AHCTF1: variants seen among roughly 807,000 people sequenced by gnomAD.
AHCTF1 encodes AT-hook containing transcription factor 1.
A neutral mutation model predicts 248.4 loss-of-function variants in AHCTF1; 24 were observed. The observed-to-expected ratio is 0.10, with a 90% CI of 0.07 to 0.14. The LOEUF (loss-of-function observed/expected upper bound fraction) is 0.14, where lower values mean the gene tolerates loss of function less well. Among genes scored for constraint, AHCTF1 ranks in the 10% least tolerant of loss-of-function variants. The probability of loss-of-function intolerance (pLI) is 1.00; values close to 1 mark genes in which losing one functional copy is unlikely to be tolerated. For missense variants in AHCTF1, 2,206 were observed against 2,636.2 expected (o/e 0.84, Z 3.57); for synonymous variants, 786 against 929.8 (o/e 0.85, Z 2.81).
intron 24 of AHCTF1, among the ~76,000 whole-genome samples, chr1:246,869,603 G>A (rs7554747): frequency 0.17 from 25,723 of 151,920 alleles, 2,351 homozygotes; most frequent in East Asian, 0.31. Context: ...AAAAATGATG[G>A]GAAATCTACT....
Position 246,840,014 on chromosome 1 carries a change from A to G in AHCTF1, c.*792T>C, listed in dbSNP as rs374271779. The G allele has an allele frequency of 2.0e-5, 3 of 152,516 alleles. No homozygotes were observed. Among genetic ancestry groups the G allele is most frequent in the African/African-American group, 7.2e-5 (3 of 41,470 alleles). 9.4% of individuals were successfully genotyped at this position (152,516 alleles called of 1,614,324 possible). A position where few individuals can be genotyped will look rare whatever the true frequency, so the allele number is the denominator to read the frequency against. On this transcript the variant is annotated 3_prime_UTR_variant, in exon 36 of 36. Coordinates refer to ENST00000648844, the MANE Select transcript of AHCTF1 (RefSeq NM_001323342.2). Reference sequence around the variant, plus strand: ...CAATATTATAAAAATTTGTTCAGACATCTCATCCTATCAATATTAGGCACA... The same window carrying G: ...CAATATTATAAAAATTTGTTCAGACGTCTCATCCTATCAATATTAGGCACA...
intron 14 of AHCTF1, among the ~76,000 whole-genome samples, chr1:246,892,301 CTTTTTTTTTT>C (rs74163502): frequency 2.3e-3 from 152 of 64,972 alleles, no homozygotes; most frequent in Middle Eastern, 0.022. Context: ...ATTTGTTTTA[CTTTTTTTTTT>C]TTTTTTTTTT....
intron 8 of AHCTF1, 57 bp downstream of exon 8, chr1:246,902,468 C>G (rs1475185610): frequency 3.9e-5 from 60 of 1,547,386 alleles, no homozygotes; most frequent in Non-Finnish European, 5.1e-5. Context: ...AAAATAACAC[C>G]TGTCATAAAT....
intron 16 of AHCTF1, 65 bp downstream of exon 16, chr1:246,890,891 A>T: frequency 1.8e-6 from 2 of 1,096,900 alleles, no homozygotes; most frequent in Non-Finnish European, 2.5e-6. Flanking sequence ...ATTAGAATAC[A>T]ATAACAAAAT....
At chr1:246,844,234 C>T (rs966416169) in intron 33 of AHCTF1, among the ~76,000 whole-genome samples, 1 of 152,214 alleles carries the variant, frequency 6.6e-6, no homozygotes, top group African/African-American at 2.4e-5. Context: ...ATCCGTACTG[C>T]TCCTCAAGCA....
intron 1 of AHCTF1, among the ~76,000 whole-genome samples, chr1:246,924,120 C>T (rs2103249681): frequency 1.3e-5 from 2 of 152,272 alleles, no homozygotes; most frequent in South Asian, 4.1e-4. Context: ...AAGCCATTCT[C>T]ACAGAAGAGA....
rs1440771168 is a variant in AHCTF1, at chr1:246,898,252, G to A, written c.1579C>T (p.Leu527Phe). 1 of 1,612,426 alleles carries A rather than the reference G, an allele frequency of 6.2e-7. No homozygotes were observed. The highest frequency in any genetic ancestry group is 2.2e-5 in the East Asian group (1 of 44,868). ...GYNRCLVAGLLSPRFVDVQPS... is the reference protein window; with the variant it reads ...GYNRCLVAGLFSPRFVDVQPS... ...TGAACATCAACAAATCTTGGGGAAA[G>A]AAGGCCAGCTACAAGACATCGATTA... is the stretch of plus-strand genomic sequence containing the variant. Residue 527 changes from leucine (L) to phenylalanine (F), a missense_variant, in exon 12 of 36, where the codon CTT (leucine) becomes TTT (phenylalanine). Around this residue, in one of 6 missense-constraint regions of AHCTF1, gnomAD observed 650 missense variants for 870.8 expected, o/e 0.75. Coordinates refer to ENST00000648844, the MANE Select transcript of AHCTF1 (RefSeq NM_001323342.2).
chr1:246,897,654 G>A (rs1277835444), intron 12 of AHCTF1, among the ~76,000 whole-genome samples: 1 of 152,136 alleles, frequency 6.6e-6, no homozygotes, highest in Non-Finnish European at 1.5e-5. Context: ...TGAAGTATAC[G>A]TGTATTTAAA....
chr1:246,868,380 C>T lies in AHCTF1; in HGVS notation c.3089-569G>A, dbSNP rs577031674. 2.1e-5 allele frequency among the ~76,000 whole-genome samples: 3 copies of T among 146,248 alleles called. No individual in the cohort carries two copies. The South Asian group carries it at 6.2e-4, about 30-fold the overall frequency. ...ATGTGATCCACCCGCCTTGGCCTCC[C>T]AAAGTGCTGGGATTACAGGCGTGAG... On this transcript the variant is annotated intron_variant, in intron 24 of 35. Coordinates refer to ENST00000648844, the MANE Select transcript of AHCTF1 (RefSeq NM_001323342.2).
In AHCTF1 at chr1:246,907,716, A is replaced by C; in HGVS notation, c.599T>G (p.Ile200Ser). The C allele has an allele frequency of 1.2e-6, 2 of 1,613,956 alleles. No homozygotes were observed. Among genetic ancestry groups the C allele is most frequent in the Non-Finnish European group, 1.7e-6 (2 of 1,179,918 alleles). The part of the protein sequence containing the change: ...LTGIPAEVPH[I>S]RESVMRQGRH... ...CCCTTGTCTCATTACACTTTCTCTAATGTGTGGTACTTCAGCTGGGATACC... is the reference window on the plus strand; with the variant it reads ...CCCTTGTCTCATTACACTTTCTCTACTGTGTGGTACTTCAGCTGGGATACC... The change falls in exon 5 of 36, where the codon ATT (isoleucine) becomes AGT (serine). Residue 200 changes from isoleucine (I) to serine (S), a missense_variant. Around this residue, in one of 6 missense-constraint regions of AHCTF1, gnomAD observed 650 missense variants for 870.8 expected, o/e 0.75. Coordinates refer to ENST00000648844, the MANE Select transcript of AHCTF1 (RefSeq NM_001323342.2).
chr1:246,874,612 T>C (rs1430983436), intron 24 of AHCTF1, among the ~76,000 whole-genome samples: 1 of 152,116 alleles, frequency 6.6e-6, no homozygotes, highest in African/African-American at 2.4e-5. Flanking sequence ...TCACCCTGTT[T>C]AACATTAACT....
Position 246,843,948 on chromosome 1 carries a change from C to A in AHCTF1, c.6392-20G>T. 7.2e-7 allele frequency: 1 copy of A among 1,380,050 alleles called. No individual in the cohort carries two copies. Among genetic ancestry groups the A allele is most frequent in the South Asian group, 2.0e-5 (1 of 50,626 alleles). The allele number at this position is 1,380,050 out of a possible 1,614,324, so 85.5% of individuals were successfully genotyped here. On this transcript the variant is annotated intron_variant, in intron 33 of 35. Transcript: ENST00000648844. ...TTTTAGCTAAAAAAAGTTGAAAAAA[C>A]TGTATCTGTATCTTTATATATGTGT...
At chr1:246,871,183 G>A (rs1338803025) in intron 24 of AHCTF1, among the ~76,000 whole-genome samples, 2 of 152,092 alleles carry the variant, frequency 1.3e-5, no homozygotes, top group Non-Finnish European at 2.9e-5. Context: ...CCATGTCTTA[G>A]GACAGTGGTT....
chr1:246,890,162 G>C (rs1456177705), intron 16 of AHCTF1, 103 bp from the exon 17 acceptor site: 27 of 794,266 alleles, frequency 3.4e-5, no homozygotes. Context: ...GCAACCCCTG[G>C]TTAACCCACA....
chr1:246,874,738 A>C (rs1213292920), intron 24 of AHCTF1, among the ~76,000 whole-genome samples: 3 of 152,154 alleles, frequency 2.0e-5, no homozygotes, highest in Non-Finnish European at 4.4e-5. Context: ...AGAGATCCTG[A>C]AATATATTTA....
intron 24 of AHCTF1, among the ~76,000 whole-genome samples, chr1:246,868,831 G>A (rs1662247479): frequency 7.2e-6 from 1 of 139,750 alleles, no homozygotes; most frequent in Admixed American, 7.6e-5. Context: ...TTGCTTCATT[G>A]TGTGTGTGTT....
chr1:246,905,963 G>A (rs2103189076), intron 5 of AHCTF1, among the ~76,000 whole-genome samples: 1 of 152,196 alleles, frequency 6.6e-6, no homozygotes, highest in East Asian at 1.9e-4. Context: ...GTAGAACTGG[G>A]GAGTGTTAGA....
chr1:246,860,888 T>C lies in AHCTF1; in HGVS notation c.4132+11A>G. The C allele has an allele frequency of 1.3e-6, 2 of 1,594,550 alleles. No individual in the cohort carries two copies. Among genetic ancestry groups the C allele is most frequent in the Non-Finnish European group, 1.7e-6 (2 of 1,165,690 alleles). On this transcript the variant is annotated intron_variant, in intron 29 of 35. Coordinates refer to ENST00000648844, the MANE Select transcript of AHCTF1 (RefSeq NM_001323342.2). The stretch of plus-strand genomic sequence containing the variant: ...AATAACAATTTTGAGTATTCAGAAA[T>C]GAGTTCTTACCCATTTGTTTCTGTA...
At chr1:246,929,921 G>A (rs371220461) in intron 1 of AHCTF1, among the ~76,000 whole-genome samples, 94 of 152,056 alleles carry the variant, frequency 6.2e-4, no homozygotes, top group African/African-American at 1.6e-3. Context: ...GTGTGGTGGC[G>A]TGCGCCTGTA....
Sources: gnomAD v4.1 joint callset for allele counts (sites outside exome capture counted in the v4.1 genomes callset) on GRCh38, gnomAD v4.1.1 for gene constraint, gnomAD v4.1.1 regional missense constraint, MANE v1.5 for transcripts, NCBI Gene and HGNC (gene_info 2026-07-23, HGNC 2026-07-21) for gene names.